The following DCC variants were observed in gnomAD, a reference collection of about 807,000 sequenced individuals.
The protein encoded by DCC is DCC netrin 1 receptor.
DCC carries 58 observed loss-of-function variants against 172.5 expected under a neutral mutation model. The ratio of observed to expected loss-of-function variants is 0.34; its 90% CI spans 0.27 to 0.42. The LOEUF is 0.42. DCC is among the 10% of genes least tolerant of loss of function. The probability of loss-of-function intolerance (pLI) is 1.00; values close to 1 mark genes in which losing one functional copy is unlikely to be tolerated. For missense variants in DCC, 1,740 were observed against 1,791.0 expected (o/e 0.97, Z 0.51); for synonymous variants, 709 against 644.5 (o/e 1.10, Z -1.52).
chr18:52,558,054 TTTTAA>T (rs1275854200), intron 1 of DCC, among the ~76,000 whole-genome samples: 1 of 152,146 alleles, frequency 6.6e-6, no homozygotes, highest in Non-Finnish European at 1.5e-5. Context: ...TCCTTCAGAA[TTTTAA>T]TTTGTGAGCT....
intron 2 of DCC, among the ~76,000 whole-genome samples, chr18:52,806,856 G>C (rs1333898911): frequency 6.6e-6 from 1 of 152,102 alleles, no homozygotes; most frequent in African/African-American, 2.4e-5. Flanking sequence ...AGCCAGTTTG[G>C]TCATGAGGGG....
chr18:53,406,324 T>C (rs1402164568), intron 19 of DCC, among the ~76,000 whole-genome samples: 1 of 152,136 alleles, frequency 6.6e-6, no homozygotes, highest in African/African-American at 2.4e-5. Context: ...TGATATTGCT[T>C]TCCAGAAGGC....
At chr18:52,939,824 T>C (rs1204663093) in intron 5 of DCC, among the ~76,000 whole-genome samples, 1 of 152,140 alleles carries the variant, frequency 6.6e-6, no homozygotes, top group Non-Finnish European at 1.5e-5. Flanking sequence ...TAGGGGGCCC[T>C]TGGGTGCAGA....
At chr18:53,312,949 GGGAAGGGAGGAGGGAGTGGGGAGA>G (rs1568049020) in intron 13 of DCC, among the ~76,000 whole-genome samples, 1 of 130,424 alleles carries the variant, frequency 7.7e-6, no homozygotes, top group African/African-American at 2.8e-5. Context: ...AGGGAGGGGA[GGGAAGGGAGGAGGGAGTGGGGAGA>G]GGAAGGGAGG....
intron 14 of DCC, among the ~76,000 whole-genome samples, chr18:53,324,284 T>C (rs551608672): frequency 3.3e-5 from 5 of 152,130 alleles, no homozygotes; most frequent in Non-Finnish European, 7.4e-5. Context: ...TTCATACCCA[T>C]CACTAATAGC....
At chr18:53,037,887 CTA>C (rs2042118045) in intron 5 of DCC, among the ~76,000 whole-genome samples, 2 of 151,776 alleles carry the variant, frequency 1.3e-5, no homozygotes, top group African/African-American at 4.8e-5. Flanking sequence ...TGAAAATGTT[CTA>C]TAATGTTTGA....
At chr18:52,366,358 G>T (rs1371107355) in intron 1 of DCC, among the ~76,000 whole-genome samples, 1 of 152,146 alleles carries the variant, frequency 6.6e-6, no homozygotes, top group Non-Finnish European at 1.5e-5. Flanking sequence ...AGTGTGCAAG[G>T]GGACCCGAGC....
intron 1 of DCC, among the ~76,000 whole-genome samples, chr18:52,480,438 A>G (rs927974694): frequency 1.2e-4 from 19 of 152,160 alleles, no homozygotes; most frequent in African/African-American, 4.3e-4. Context: ...CTGAGTTCTC[A>G]TATGTATAAG....
At chr18:52,525,545 A>C (rs1414803557) in intron 1 of DCC, among the ~76,000 whole-genome samples, 2 of 152,244 alleles carry the variant, frequency 1.3e-5, no homozygotes, top group Non-Finnish European at 2.9e-5. Flanking sequence ...TGGGATGAGT[A>C]GTTGTAAGAA....
chr18:52,353,324 T>C (rs1321469064), intron 1 of DCC, among the ~76,000 whole-genome samples: 5 of 152,182 alleles, frequency 3.3e-5, no homozygotes, highest in African/African-American at 1.2e-4. Flanking sequence ...TGGTTTTCAT[T>C]CCATAGTTTC....
At chr18:53,370,354 A>G (rs1264184992) in intron 15 of DCC, among the ~76,000 whole-genome samples, 1 of 151,750 alleles carries the variant, frequency 6.6e-6, no homozygotes, top group East Asian at 1.9e-4. Flanking sequence ...TAGTTCATCA[A>G]GCCAAAGGTT....
intron 1 of DCC, among the ~76,000 whole-genome samples, chr18:52,661,447 A>G (rs2035357784): frequency 6.6e-6 from 1 of 152,200 alleles, no homozygotes; most frequent in Admixed American, 6.5e-5. Flanking sequence ...TACTGAAAAT[A>G]GGGACTAAGT....
Position 53,531,735 on chromosome 18 carries a change from T to C in DCC, c.*1082T>C, listed in dbSNP as rs1047345254. 2 of 152,044 alleles carry C rather than the reference T, an allele frequency of 1.3e-5. No homozygotes were observed. Among genetic ancestry groups the C allele is most frequent in the Non-Finnish European group, 2.9e-5 (2 of 68,012 alleles). The allele number at this position is 152,044 out of a possible 1,614,324, so 9.4% of individuals were successfully genotyped here. A position where few individuals can be genotyped will look rare whatever the true frequency, so the allele number is the denominator to read the frequency against. ...TAAAAGGTAGCTTCTAACAGTACCT[T>C]CTCTTAAAGAATGCCAACTCTGCCT... On this transcript the variant is annotated 3_prime_UTR_variant, in exon 29 of 29. Transcript: ENST00000442544.
At chr18:52,795,684 G>A (rs1360913312) in intron 2 of DCC, among the ~76,000 whole-genome samples, 1 of 151,788 alleles carries the variant, frequency 6.6e-6, no homozygotes, top group Non-Finnish European at 1.5e-5. Context: ...AAGGTGCATT[G>A]ATAGGTTGTG....
At chr18:52,850,635 T>C (rs927104730) in intron 2 of DCC, among the ~76,000 whole-genome samples, 1 of 152,132 alleles carries the variant, frequency 6.6e-6, no homozygotes, top group African/African-American at 2.4e-5. Flanking sequence ...TCCCCACTTA[T>C]TCCTTGGGGA....
chr18:53,450,380 C>G (rs2045393679), intron 22 of DCC, 120 bp from the exon 23 acceptor site: 11 of 1,048,102 alleles, frequency 1.0e-5, no homozygotes, highest in Non-Finnish European at 1.6e-5. Flanking sequence ...GAACTCCCAT[C>G]ACTACCCCTA....
At chr18:53,165,311 CT>C (rs1303647240) in intron 8 of DCC, among the ~76,000 whole-genome samples, 45 of 152,298 alleles carry the variant, frequency 3.0e-4, no homozygotes, top group African/African-American at 1.1e-3. Flanking sequence ...CCTCTGCTCA[CT>C]GTTCAGGATT....
intron 7 of DCC, among the ~76,000 whole-genome samples, chr18:53,156,395 A>G (rs965194230): frequency 5.9e-5 from 9 of 152,002 alleles, no homozygotes; most frequent in Non-Finnish European, 1.0e-4. Context: ...GAGGCAGGAG[A>G]ATCACTTGAA....
intron 10 of DCC, among the ~76,000 whole-genome samples, chr18:53,207,466 T>C (rs1450493728): frequency 6.6e-6 from 1 of 152,176 alleles, no homozygotes; most frequent in Non-Finnish European, 1.5e-5. Context: ...TTAATGACTG[T>C]AAAAATAGCA....
Sources: gnomAD v4.1 joint callset for allele counts (sites outside exome capture counted in the v4.1 genomes callset) on GRCh38, gnomAD v4.1.1 for gene constraint, MANE v1.5 for transcripts, NCBI Gene and HGNC (gene_info 2026-07-23, HGNC 2026-07-21) for gene names.